TRAF3IP3: variants seen among roughly 807,000 people sequenced by gnomAD.
TRAF3IP3 encodes TRAF3 interacting protein 3.
Under a neutral mutation model 86.5 loss-of-function variants are expected in TRAF3IP3, and 64 were observed. The observed-to-expected ratio is 0.74, with a 90% CI of 0.60 to 0.91. TRAF3IP3 has a LOEUF of 0.91. TRAF3IP3 is among the 40% of genes least tolerant of loss of function. The pLI, the probability that TRAF3IP3 is intolerant of heterozygous loss-of-function variation, is 0.00. For synonymous variants in TRAF3IP3, 220 were observed against 243.9 expected (o/e 0.90, Z 0.91); for missense variants, 579 against 642.9 (o/e 0.90, Z 1.07).
chr1:209,767,515 C>T (rs1255683364), intron 8 of TRAF3IP3, among the ~76,000 whole-genome samples: 1 of 151,998 alleles, frequency 6.6e-6, no homozygotes, highest in East Asian at 1.9e-4. Context: ...CATAGTGAGA[C>T]CTCATCTCTA....
At position 209,775,808 on chromosome 1, in the gene TRAF3IP3, T is replaced by C. The variant is rs780161717; in HGVS notation, c.1053+72T>C. The C allele has an allele frequency of 8.9e-6, 13 of 1,453,806 alleles. No individual in the cohort carries two copies. The Admixed American group carries it at 1.6e-4, about 18-fold the overall frequency. 90.1% of individuals were successfully genotyped at this position (1,453,806 alleles called of 1,614,324 possible). ...GGGATGGTGATGAAAGAAGCTGTTC[T>C]GGATTAGGGACTCCAAAGGCAGCTG... On this transcript the variant is annotated intron_variant, in intron 11 of 16. Transcript: ENST00000367025.
rs769254539 is a variant in TRAF3IP3, at chr1:209,772,974, G to C, written c.729G>C (p.Lys243Asn). The change falls in exon 9 of 17, where the codon AAG becomes AAC. Residue 243 changes from lysine (K) to asparagine (N), a missense_variant. Transcript: ENST00000367025. ...GACAGCTTAATGAAGACAAACTGAA[G>C]GGGAAACTGAGATCCTTAGAAAACC... ...WKGQLNEDKLKGKLRSLENQL... is the reference protein window; with the variant it reads ...WKGQLNEDKLNGKLRSLENQL... 2.9e-5 allele frequency: 47 copies of C among 1,613,812 alleles called. No homozygotes were observed. Among genetic ancestry groups the C allele is most frequent in the Admixed American group, 2.7e-4 (16 of 59,970 alleles).
chr1:209,756,891 C>T (rs1228063270), intron 1 of TRAF3IP3, among the ~76,000 whole-genome samples: 1 of 152,218 alleles, frequency 6.6e-6, no homozygotes, highest in Non-Finnish European at 1.5e-5. Flanking sequence ...AAACCTTCTT[C>T]CTCCAAGCTC....
At chr1:209,773,042 C>G (rs1277079749) in intron 9 of TRAF3IP3, 23 bp downstream of exon 9, 1 of 1,564,614 alleles carries the variant, frequency 6.4e-7, no homozygotes, top group Admixed American at 1.9e-5. Context: ...AAGGATACTT[C>G]CATCTCAGGA....
chr1:209,768,032 C>A, intron 8 of TRAF3IP3: 1 of 689,524 alleles, frequency 1.5e-6, no homozygotes, highest in Non-Finnish European at 1.8e-6. Context: ...CAGTCTCAGA[C>A]TTTTTCAGTT....
At chr1:209,777,873 A>G in intron 12 of TRAF3IP3, 1 of 584,846 alleles carries the variant, frequency 1.7e-6, no homozygotes, top group East Asian at 2.9e-5. Context: ...GATAGAGAGG[A>G]CTAGATAGTG....
In TRAF3IP3 at chr1:209,773,013, T is replaced by TA; in HGVS notation, c.769dup (p.Thr257AsnfsTer24). 3 of 1,610,178 alleles carry TA rather than the reference T, an allele frequency of 1.9e-6. No homozygotes were observed. The highest frequency in any genetic ancestry group is 2.5e-6 in the Non-Finnish European group (3 of 1,178,388). Reference sequence around the variant, plus strand: ...CCTTAGAAAACCAGCTATACACCTGTACCCAGGTAAGCATTCTGAAGGATA... The same window carrying TA: ...CCTTAGAAAACCAGCTATACACCTGTAACCCAGGTAAGCATTCTGAAGGATA... On this transcript the variant is annotated frameshift_variant, in exon 9 of 17. Transcript: ENST00000367025. LOFTEE classifies it high-confidence loss of function.
rs41315591 is a variant in TRAF3IP3, at chr1:209,776,899, A to C, written c.1054-453A>C. ...GAATGTGTCACTTAGACCTGTCACT[A>C]GGGATGGTTTAGAAAATAAACTTAC... On this transcript the variant is annotated intron_variant, in intron 11 of 16. Transcript: ENST00000367025. The C allele has an allele frequency of 3.0e-3, 461 of 152,404 alleles. 2 individuals carry two copies. The highest frequency in any genetic ancestry group is 5.6e-3 in the Non-Finnish European group (383 of 68,128). The allele number at this position is 152,404 out of a possible 1,614,324, so 9.4% of individuals were successfully genotyped here.
chr1:209,757,450 A>G (rs1449350377), intron 1 of TRAF3IP3, among the ~76,000 whole-genome samples: 2 of 152,234 alleles, frequency 1.3e-5, no homozygotes, highest in East Asian at 3.8e-4. Context: ...TATGTGTGAC[A>G]CAGGCAGACC....
intron 15 of TRAF3IP3, chr1:209,781,020 A>T (rs1370454575): frequency 4.9e-6 from 1 of 202,620 alleles, no homozygotes; most frequent in Non-Finnish European, 1.0e-5. Context: ...ACTTGTACTA[A>T]GGTCACTTCT....
intron 12 of TRAF3IP3, 132 bp from the exon 13 acceptor site, chr1:209,777,979 G>C: frequency 1.3e-6 from 1 of 796,412 alleles, no homozygotes; most frequent in Non-Finnish European, 2.0e-6. Flanking sequence ...GGGACACGAA[G>C]ATAGAGCAAC....
intron 8 of TRAF3IP3, chr1:209,768,151 A>C (rs2077392822): frequency 1.0e-6 from 1 of 985,334 alleles, no homozygotes; most frequent in African/African-American, 1.7e-5. Flanking sequence ...TGGGAAAAAT[A>C]ATTGGAAGAA....
intron 2 of TRAF3IP3, among the ~76,000 whole-genome samples, chr1:209,759,569 G>A (rs1008391368): frequency 6.6e-6 from 1 of 152,214 alleles, no homozygotes; most frequent in Admixed American, 6.5e-5. Context: ...TAAGAGGGCA[G>A]ATTGGCTCAA....
intron 8 of TRAF3IP3, chr1:209,768,047 G>A (rs536541493): frequency 4.9e-5 from 38 of 771,980 alleles, no homozygotes; most frequent in East Asian, 2.6e-4. Flanking sequence ...TCAGTTAACA[G>A]CTATTGTTTC....
At chr1:209,765,579 ATC>A (rs986517931) in intron 8 of TRAF3IP3, among the ~76,000 whole-genome samples, 7 of 152,170 alleles carry the variant, frequency 4.6e-5, no homozygotes, top group African/African-American at 1.7e-4. Context: ...AGGCAGGAGA[ATC>A]TCTTACGTCC....
At chr1:209,768,582 G>C (rs2077400948) in intron 8 of TRAF3IP3, 1 of 985,672 alleles carries the variant, frequency 1.0e-6, no homozygotes, top group Non-Finnish European at 1.2e-6. Flanking sequence ...TGGTGAGGTG[G>C]TGGTGTTTCT....
rs1458979545 is a variant in TRAF3IP3, at chr1:209,775,898, G to A, written c.1053+162G>A. 8 of 649,774 alleles carry A rather than the reference G, an allele frequency of 1.2e-5. No homozygotes were observed. The African/African-American group carries it at 1.5e-4, about 12-fold the overall frequency. The allele number at this position is 649,774 out of a possible 1,614,324, so 40.3% of individuals were successfully genotyped here. A position where few individuals can be genotyped will look rare whatever the true frequency, so the allele number is the denominator to read the frequency against. On this transcript the variant is annotated intron_variant, in intron 11 of 16. Transcript: ENST00000367025. ...GTACCAAATTCACTGTTTTGGCTCT[G>A]AAATCTAATTTTGAGTTTAGCAAGG...
intron 9 of TRAF3IP3, among the ~76,000 whole-genome samples, chr1:209,774,039 A>G (rs1487071814): frequency 6.6e-6 from 1 of 152,232 alleles, no homozygotes. Context: ...AGCTAAATGG[A>G]AATGATTTCA....
chr1:209,771,611 G>C (rs2077529814), intron 8 of TRAF3IP3, among the ~76,000 whole-genome samples: 1 of 145,354 alleles, frequency 6.9e-6, no homozygotes, highest in Admixed American at 6.9e-5. Context: ...TGCGCATGTG[G>C]TGTGCGTGTG....
Sources: gnomAD v4.1 joint callset for allele counts (sites outside exome capture counted in the v4.1 genomes callset) on GRCh38, gnomAD v4.1.1 for gene constraint, MANE v1.5 for transcripts, NCBI Gene and HGNC (gene_info 2026-07-23, HGNC 2026-07-21) for gene names.